The following RALYL variants were observed in gnomAD, a reference collection of about 807,000 sequenced individuals.
RALYL encodes RNA-binding Raly-like protein.
A neutral mutation model predicts 35.1 loss-of-function variants in RALYL; 29 were observed. The ratio of observed to expected loss-of-function variants is 0.83; its 90% CI spans 0.61 to 1.13. The LOEUF (loss-of-function observed/expected upper bound fraction) is 1.13, where lower values mean the gene tolerates loss of function less well. Among genes scored for constraint, RALYL ranks in the 50% most tolerant of loss-of-function variants. The probability of loss-of-function intolerance (pLI) is 0.00; values close to 1 mark genes in which losing one functional copy is unlikely to be tolerated. For missense variants in RALYL, 359 were observed against 360.4 expected, an observed-to-expected ratio of 1.00 and a Z score of 0.03; for synonymous variants, 120 against 127.6, an observed-to-expected ratio of 0.94 and a Z score of 0.40.
chr8:84,745,766 G>A (rs894859516), intron 2 of RALYL, among the ~76,000 whole-genome samples: 3 of 152,008 alleles, frequency 2.0e-5, no homozygotes, highest in Non-Finnish European at 2.9e-5. Flanking sequence ...AATGTGTATA[G>A]ATCTCACTAT....
chr8:84,858,272 G>T (rs1837439622), intron 5 of RALYL, among the ~76,000 whole-genome samples: 1 of 152,036 alleles, frequency 6.6e-6, no homozygotes, highest in African/African-American at 2.4e-5. Flanking sequence ...ATTAAAATTG[G>T]ACTGAATTTT....
intron 1 of RALYL, among the ~76,000 whole-genome samples, chr8:84,440,989 A>G (rs1008179796): frequency 6.6e-6 from 1 of 152,078 alleles, no homozygotes; most frequent in Non-Finnish European, 1.5e-5. Context: ...CCCACCAGAA[A>G]TGAATGGAAT....
chr8:84,390,507 C>A (rs910515578), intron 1 of RALYL, among the ~76,000 whole-genome samples: 2 of 152,020 alleles, frequency 1.3e-5, no homozygotes, highest in Admixed American at 6.6e-5. Flanking sequence ...TTGATTATTG[C>A]CACAATTTCA....
intron 1 of RALYL, among the ~76,000 whole-genome samples, chr8:84,455,196 T>C (rs887463589): frequency 1.3e-5 from 2 of 152,108 alleles, no homozygotes; most frequent in South Asian, 2.1e-4. Context: ...TCAGCTAATG[T>C]CACTTCAAAA....
chr8:84,615,358 C>T (rs1234194057), intron 2 of RALYL, among the ~76,000 whole-genome samples: 2 of 147,314 alleles, frequency 1.4e-5, no homozygotes, highest in Middle Eastern at 3.3e-3. Context: ...AAAAACAGAA[C>T]GTCCTTATGC....
intron 1 of RALYL, among the ~76,000 whole-genome samples, chr8:84,424,576 T>C (rs1211868766): frequency 6.6e-6 from 1 of 151,382 alleles, no homozygotes; most frequent in Non-Finnish European, 1.5e-5. Context: ...CATCCAGCTT[T>C]GTTCTGTTGC....
At chr8:84,444,565 A>T (rs1322434272) in intron 1 of RALYL, among the ~76,000 whole-genome samples, 1 of 152,040 alleles carries the variant, frequency 6.6e-6, no homozygotes, top group Non-Finnish European at 1.5e-5. Flanking sequence ...ATTCTAGCAG[A>T]TCCATTTGTC....
At chr8:84,649,923 T>C (rs1046007884) in intron 2 of RALYL, among the ~76,000 whole-genome samples, 1 of 152,134 alleles carries the variant, frequency 6.6e-6, no homozygotes, top group Non-Finnish European at 1.5e-5. Context: ...GCATGGAATG[T>C]TCTTCCATTT....
chr8:84,371,915 G>A (rs948019491), intron 1 of RALYL, among the ~76,000 whole-genome samples: 4 of 152,058 alleles, frequency 2.6e-5, no homozygotes, highest in African/African-American at 9.7e-5. Context: ...ATTCTGTCTT[G>A]TGGAAGATGA....
At chr8:84,449,421 C>T (rs992965353) in intron 1 of RALYL, among the ~76,000 whole-genome samples, 1 of 151,954 alleles carries the variant, frequency 6.6e-6, no homozygotes, top group Admixed American at 6.6e-5. Flanking sequence ...CTTAAAACCC[C>T]TTTCATTTAT....
At chr8:84,678,109 A>T (rs970772128) in intron 2 of RALYL, among the ~76,000 whole-genome samples, 4 of 152,160 alleles carry the variant, frequency 2.6e-5, no homozygotes, top group African/African-American at 9.7e-5. Flanking sequence ...TAAGTCATAC[A>T]AAAGCACTTT....
intron 2 of RALYL, among the ~76,000 whole-genome samples, chr8:84,738,655 C>T (rs1163732105): frequency 1.3e-5 from 2 of 151,954 alleles, no homozygotes; most frequent in African/African-American, 4.8e-5. Context: ...ACATGAGCAT[C>T]ATAGATAACA....
chr8:84,206,739 C>T (rs146909064), intron 1 of RALYL, among the ~76,000 whole-genome samples: 4 of 152,078 alleles, frequency 2.6e-5, no homozygotes, highest in South Asian at 2.1e-4. Context: ...GATTGTGGCG[C>T]GACATTTAAT....
At chr8:84,245,771 G>A (rs1309194002) in intron 1 of RALYL, among the ~76,000 whole-genome samples, 2 of 152,028 alleles carry the variant, frequency 1.3e-5, no homozygotes, top group African/African-American at 4.8e-5. Flanking sequence ...AATGCTGTAG[G>A]GTGGGTGGAG....
At chr8:84,219,300 C>T (rs1318127886) in intron 1 of RALYL, among the ~76,000 whole-genome samples, 3 of 151,998 alleles carry the variant, frequency 2.0e-5, no homozygotes, top group African/African-American at 7.2e-5. Context: ...GGTAGTTCCT[C>T]TTGCATTCAT....
intron 2 of RALYL, among the ~76,000 whole-genome samples, chr8:84,599,911 A>C (rs1280108946): frequency 6.7e-6 from 1 of 149,274 alleles, no homozygotes; most frequent in African/African-American, 2.5e-5. Flanking sequence ...GGTTAGCAGG[A>C]GGTGTTTTTT....
At chr8:84,434,649 A>C (rs2047506762) in intron 1 of RALYL, among the ~76,000 whole-genome samples, 1 of 152,150 alleles carries the variant, frequency 6.6e-6, no homozygotes, top group Non-Finnish European at 1.5e-5. Context: ...ATTCATATCA[A>C]ATAATTACTG....
chr8:84,541,007 C>G (rs1300369601), intron 2 of RALYL, among the ~76,000 whole-genome samples: 1 of 151,328 alleles, frequency 6.6e-6, no homozygotes, highest in Non-Finnish European at 1.5e-5. Context: ...TAATTTTTCC[C>G]TTACCTCTTT....
intron 2 of RALYL, among the ~76,000 whole-genome samples, chr8:84,628,380 A>G (rs1823204743): frequency 6.6e-6 from 1 of 152,072 alleles, no homozygotes. Flanking sequence ...CCCAATAGGC[A>G]TGATTGTGTA....
Sources: gnomAD v4.1 joint callset for allele counts (sites outside exome capture counted in the v4.1 genomes callset) on GRCh38, gnomAD v4.1.1 for gene constraint, MANE v1.5 for transcripts, NCBI Gene and HGNC (gene_info 2026-07-23, HGNC 2026-07-21) for gene names.